The following HAUS2 variants were observed in gnomAD, a reference collection of about 807,000 sequenced individuals.
HAUS2 encodes the protein HAUS augmin like complex subunit 2.
In HAUS2, 20 loss-of-function variants were observed where a neutral mutation model predicts 21.6. The ratio of observed to expected loss-of-function variants is 0.93; its 90% CI spans 0.65 to 1.35. The LOEUF (loss-of-function observed/expected upper bound fraction) is 1.35. Ranked by LOEUF, HAUS2 falls within the 40% of genes most tolerant of loss-of-function variation. The pLI, the probability that HAUS2 is intolerant of heterozygous loss-of-function variation, is 0.00. For synonymous variants in HAUS2, 113 were observed against 95.6 expected (o/e 1.18, Z -1.06); for missense variants, 297 against 280.7 (o/e 1.06, Z -0.42).
chr15:42,565,364 T>C (rs1316868632), intron 5 of HAUS2, among the ~76,000 whole-genome samples: 1 of 151,606 alleles, frequency 6.6e-6, no homozygotes, highest in Non-Finnish European at 1.5e-5. Context: ...GACTTTACTG[T>C]CTGAGTATTG....
chr15:42,566,964 A>T lies in HAUS2; in HGVS notation c.*148A>T. On this transcript the variant is annotated 3_prime_UTR_variant, in exon 6 of 6. Coordinates refer to ENST00000260372, the MANE Select transcript of HAUS2 (RefSeq NM_018097.3). ...GTATCAAGATCTCAGGTTCATTAAGACCAAACTGACTTTTCCTTTGTTTTT... is the reference window on the plus strand; with the variant it reads ...GTATCAAGATCTCAGGTTCATTAAGTCCAAACTGACTTTTCCTTTGTTTTT... 2.0e-6 allele frequency: 1 copy of T among 497,740 alleles called. No individual in the cohort carries two copies. The highest frequency in any genetic ancestry group is 3.5e-6 in the Non-Finnish European group (1 of 282,214). The allele number at this position is 497,740 out of a possible 1,614,324, so 30.8% of individuals were successfully genotyped here. A position where few individuals can be genotyped will look rare whatever the true frequency, so the allele number is the denominator to read the frequency against.
At chr15:42,562,701 G>T (rs1566834953) in intron 4 of HAUS2, among the ~76,000 whole-genome samples, 1 of 152,242 alleles carries the variant, frequency 6.6e-6, no homozygotes, top group African/African-American at 2.4e-5. Flanking sequence ...ACTAGGCAAT[G>T]ATTTGAAAGC....
At chr15:42,549,725 A>G (rs948327861) in intron 1 of HAUS2, among the ~76,000 whole-genome samples, 12 of 141,860 alleles carry the variant, frequency 8.5e-5, no homozygotes, top group Non-Finnish European at 3.0e-5. Context: ...CTGGGATTAC[A>G]GGCGTGAGCC....
chr15:42,558,994 C>G (rs2057819896), intron 2 of HAUS2, among the ~76,000 whole-genome samples: 1 of 152,126 alleles, frequency 6.6e-6, no homozygotes, highest in Middle Eastern at 3.4e-3. Context: ...AACAGCAATT[C>G]CTTTGAACTT....
chr15:42,563,697 C>A lies in HAUS2; in HGVS notation c.390-52C>A, dbSNP rs1039437434. 7.9e-6 allele frequency: 7 copies of A among 888,282 alleles called. No individual in the cohort carries two copies. In the South Asian group the frequency reaches 8.2e-5, roughly 10 times the overall value. The allele number at this position is 888,282 out of a possible 1,614,324, so 55.0% of individuals were successfully genotyped here. A position where few individuals can be genotyped will look rare whatever the true frequency, so the allele number is the denominator to read the frequency against. ...CCTGATTAAAGGAGAAGAAAAGGAA[C>A]GTAAAACAATTAAACTTTAAAAAAT... On this transcript the variant is annotated intron_variant, in intron 4 of 5. Coordinates refer to ENST00000260372, the MANE Select transcript of HAUS2 (RefSeq NM_018097.3).
At chr15:42,554,726 G>C (rs749681696) in intron 1 of HAUS2, among the ~76,000 whole-genome samples, 2 of 151,330 alleles carry the variant, frequency 1.3e-5, no homozygotes, top group Non-Finnish European at 2.9e-5. Context: ...TCTGATCTCA[G>C]GTGATCTACC....
At chr15:42,559,209 A>C in intron 2 of HAUS2, 130 bp from the exon 3 acceptor site, 1 of 597,264 alleles carries the variant, frequency 1.7e-6, no homozygotes, top group South Asian at 1.9e-5. Flanking sequence ...ATCTCGGCTC[A>C]CTACATCCTG....
In HAUS2 at chr15:42,568,275, G is replaced by A. The variant is rs1003739665; in HGVS notation, c.*1459G>A. The stretch of plus-strand genomic sequence containing the variant: ...ACTAAGTATTTTATAATGAACAGAA[G>A]TTTATTTGGTTGACAGGTGTGGAGG... On this transcript the variant is annotated 3_prime_UTR_variant, in exon 6 of 6. Transcript: ENST00000260372. 2.6e-5 allele frequency: 4 copies of A among 152,214 alleles called. No homozygotes were observed. The highest frequency in any genetic ancestry group is 9.7e-5 in the African/African-American group (4 of 41,444). The allele number at this position is 152,214 out of a possible 1,614,324, so 9.4% of individuals were successfully genotyped here. A position where few individuals can be genotyped will look rare whatever the true frequency, so the allele number is the denominator to read the frequency against.
chr15:42,558,467 A>G (rs943633854), intron 2 of HAUS2, among the ~76,000 whole-genome samples, 177 bp downstream of exon 2: 1 of 151,648 alleles, frequency 6.6e-6, no homozygotes, highest in African/African-American at 2.4e-5. Flanking sequence ...AGGTGGGACT[A>G]CAGGCGCCCG....
At chr15:42,551,833 T>G (rs2057728951) in intron 1 of HAUS2, among the ~76,000 whole-genome samples, 1 of 151,990 alleles carries the variant, frequency 6.6e-6, no homozygotes, top group Admixed American at 6.6e-5. Context: ...AATTAGACAG[T>G]TACTGGTTTT....
In HAUS2 at chr15:42,569,731, T is replaced by C. The variant is rs1347368885; in HGVS notation, c.*2915T>C. 6.6e-6 allele frequency: 1 copy of C among 152,234 alleles called. No homozygotes were observed. Among genetic ancestry groups the C allele is most frequent in the Non-Finnish European group, 1.5e-5 (1 of 68,048 alleles). 9.4% of individuals were successfully genotyped at this position (152,234 alleles called of 1,614,324 possible). A position where few individuals can be genotyped will look rare whatever the true frequency, so the allele number is the denominator to read the frequency against. ...AATCATGTTTTAAAGCCTAGTTTGC[T>C]AATTTTTGCTAGTAGGATAAGAGTG... On this transcript the variant is annotated 3_prime_UTR_variant, in exon 6 of 6. Coordinates refer to ENST00000260372, the MANE Select transcript of HAUS2 (RefSeq NM_018097.3).
intron 1 of HAUS2, among the ~76,000 whole-genome samples, chr15:42,550,466 C>G (rs2057713281): frequency 6.6e-6 from 1 of 152,096 alleles, no homozygotes; most frequent in African/African-American, 2.4e-5. Context: ...AGAATTAGAT[C>G]TTAGTACTCT....
intron 5 of HAUS2, 150 bp downstream of exon 5, chr15:42,564,007 T>C (rs2057880043): frequency 3.5e-6 from 2 of 571,396 alleles, no homozygotes; most frequent in African/African-American, 2.0e-5. Flanking sequence ...AGTTCACACC[T>C]GTAATCCCTG....
intron 3 of HAUS2, 134 bp downstream of exon 3, chr15:42,559,542 G>T (rs973315325): frequency 3.2e-5 from 20 of 621,726 alleles, no homozygotes; most frequent in Non-Finnish European, 5.8e-5. Context: ...ATGAAATCTT[G>T]TATTTCTATG....
chr15:42,564,769 A>AT (rs1405676829), intron 5 of HAUS2, among the ~76,000 whole-genome samples: 2 of 152,238 alleles, frequency 1.3e-5, no homozygotes, highest in Non-Finnish European at 2.9e-5. Context: ...GATCACAGGC[A>AT]TGAGCCACCA....
At chr15:42,560,755 AT>A (rs1158718215) in intron 3 of HAUS2, 8 of 700,024 alleles carry the variant, frequency 1.1e-5, no homozygotes, top group Admixed American at 1.0e-4. Flanking sequence ...TGCCCAGCTA[AT>A]TTTTGTTTTT....
intron 5 of HAUS2, 145 bp from the exon 6 acceptor site, chr15:42,566,462 A>T (rs753715566): frequency 1.6e-5 from 10 of 610,594 alleles, no homozygotes; most frequent in Non-Finnish European, 2.9e-5. Context: ...TTGTACTGTA[A>T]GAAGTGGGAA....
chr15:42,567,705 ATGG>A lies in HAUS2; in HGVS notation c.*896_*898del, dbSNP rs2057919754. On this transcript the variant is annotated 3_prime_UTR_variant, in exon 6 of 6. Transcript: ENST00000260372. Reference sequence around the variant, plus strand: ...TAGAAATATAAAAAATTAACCGGGCATGGTGGTGGACGCCTGTAATCCCAGCTA... The same window carrying A: ...TAGAAATATAAAAAATTAACCGGGCATGGTGGACGCCTGTAATCCCAGCTA... 6.6e-6 allele frequency: 1 copy of A among 152,172 alleles called. No homozygotes were observed. Among genetic ancestry groups the A allele is most frequent in the African/African-American group, 2.4e-5 (1 of 41,418 alleles). The allele number at this position is 152,172 out of a possible 1,614,324, so 9.4% of individuals were successfully genotyped here.
chr15:42,567,957 A>C lies in HAUS2; in HGVS notation c.*1141A>C, dbSNP rs1469954295. ...CTTGAACCCAGGAGGCAGAGGTTGC[A>C]GTGAGCCCAGATCGTGCCACCGCAC... On this transcript the variant is annotated 3_prime_UTR_variant, in exon 6 of 6. Coordinates refer to ENST00000260372, the MANE Select transcript of HAUS2 (RefSeq NM_018097.3). 1 of 152,190 alleles carries C rather than the reference A, an allele frequency of 6.6e-6. No homozygotes were observed. Among genetic ancestry groups the C allele is most frequent in the East Asian group, 1.9e-4 (1 of 5,184 alleles). The allele number at this position is 152,190 out of a possible 1,614,324, so 9.4% of individuals were successfully genotyped here. A position where few individuals can be genotyped will look rare whatever the true frequency, so the allele number is the denominator to read the frequency against.
Sources: gnomAD v4.1 joint callset for allele counts (sites outside exome capture counted in the v4.1 genomes callset) on GRCh38, gnomAD v4.1.1 for gene constraint, MANE v1.5 for transcripts, NCBI Gene and HGNC (gene_info 2026-07-23, HGNC 2026-07-21) for gene names.